The following ATP12A variants were observed in gnomAD, a reference collection of about 807,000 sequenced individuals.
The protein encoded by ATP12A is potassium-transporting ATPase alpha chain 2.
Under a neutral mutation model 111.2 loss-of-function variants are expected in ATP12A, and 81 were observed. The observed-to-expected ratio is 0.73, with a 90% confidence interval of 0.61 to 0.88. The LOEUF (loss-of-function observed/expected upper bound fraction) is 0.88, where lower values mean the gene tolerates loss of function less well. Among genes scored for constraint, ATP12A ranks in the 40% least tolerant of loss-of-function variants. The pLI is 0.00. For missense variants in ATP12A, 1,196 were observed against 1,313.1 expected, an observed-to-expected ratio of 0.91 and a Z score of 1.38; for synonymous variants, 498 against 499.8, an observed-to-expected ratio of 1.00 and a Z score of 0.05.
intron 3 of ATP12A, 56 bp from the exon 4 acceptor site, chr13:24,688,263 G>A: frequency 1.3e-6 from 2 of 1,540,638 alleles, no homozygotes; most frequent in South Asian, 2.5e-5. Flanking sequence ...GAGGGAGGAG[G>A]AATGTCTAAT....
intron 6 of ATP12A, 55 bp downstream of exon 6, chr13:24,690,527 G>T: frequency 6.2e-7 from 1 of 1,606,676 alleles, no homozygotes. Context: ...TGCTGGCTCT[G>T]GGGTCTTTCC....
rs747464937 is a variant in ATP12A, at chr13:24,710,490, ACGGG to A, written c.2796_2799del (p.Gly933ThrfsTer9). 1.2e-6 allele frequency: 2 copies of A among 1,614,144 alleles called. No homozygotes were observed. Among genetic ancestry groups the A allele is most frequent in the East Asian group, 2.2e-5 (1 of 44,862 alleles). ...GTACCAGAGGGAATACCTAGAATGG[ACGGG>A]CTACACGGCTTTCTTTGTTGGCATC... On this transcript the variant is annotated frameshift_variant, in exon 20 of 23. Transcript: ENST00000381946. LOFTEE classifies it high-confidence loss of function.
chr13:24,696,718 CAAAAA>C (rs1199522203), intron 11 of ATP12A, among the ~76,000 whole-genome samples: 7 of 33,038 alleles, frequency 2.1e-4, no homozygotes, highest in African/African-American at 6.4e-4. Context: ...GACTCCGTCT[CAAAAA>C]AAAAAAAAAA....
At position 24,690,905 on chromosome 13, in the gene ATP12A, C is replaced by G. The variant is rs566033042; in HGVS notation, c.800-77C>G. 3 of 1,572,756 alleles carry G rather than the reference C, an allele frequency of 1.9e-6. No individual in the cohort carries two copies. The Admixed American group carries it at 5.1e-5, about 27-fold the overall frequency. ...GTGTGCCTATCGATTGTGCCAGCCC[C>G]CAGAGAGGGCTGCAAGCTGGCTGCA... On this transcript the variant is annotated intron_variant, in intron 7 of 22. Coordinates refer to ENST00000381946, the MANE Select transcript of ATP12A (RefSeq NM_001676.7).
Position 24,702,085 on chromosome 13 carries a change from C to T in ATP12A, c.2018+14C>T, listed in dbSNP as rs754252680. 8.7e-6 allele frequency: 14 copies of T among 1,614,046 alleles called. No homozygotes were observed. In the African/African-American group the frequency reaches 1.9e-4, roughly 22 times the overall value. ...AGTTAACAAACGGTAAGCACAGGAGCAGCATAGTAAAAATTCCAGTTTATA... is the reference window on the plus strand; with the variant it reads ...AGTTAACAAACGGTAAGCACAGGAGTAGCATAGTAAAAATTCCAGTTTATA... On this transcript the variant is annotated intron_variant, in intron 14 of 22. Coordinates refer to ENST00000381946, the MANE Select transcript of ATP12A (RefSeq NM_001676.7).
At chr13:24,681,386 C>T (rs888148704) in intron 1 of ATP12A, among the ~76,000 whole-genome samples, 176 bp from the exon 2 acceptor site, 2 of 152,114 alleles carry the variant, frequency 1.3e-5, no homozygotes, top group Non-Finnish European at 2.9e-5. Flanking sequence ...AAGCCAAGGT[C>T]GGCGGGAGGT....
At chr13:24,699,486 T>C (rs1469200492) in intron 12 of ATP12A, among the ~76,000 whole-genome samples, 6 of 152,110 alleles carry the variant, frequency 3.9e-5, no homozygotes, top group African/African-American at 7.2e-5. Flanking sequence ...GCAAAAGGGA[T>C]GGGAATTTTT....
intron 8 of ATP12A, among the ~76,000 whole-genome samples, chr13:24,692,076 C>T (rs1874927250): frequency 6.6e-6 from 1 of 152,210 alleles, no homozygotes; most frequent in Non-Finnish European, 1.5e-5. Flanking sequence ...TGGTCAGTCT[C>T]TCTTACACAC....
chr13:24,694,424 T>C lies in ATP12A; in HGVS notation c.1378-20T>C, dbSNP rs1371020006. The C allele has an allele frequency of 1.2e-6, 2 of 1,611,670 alleles. No homozygotes were observed. The highest frequency in any genetic ancestry group is 2.7e-5 in the African/African-American group (2 of 74,614). On this transcript the variant is annotated intron_variant, in intron 10 of 22. Coordinates refer to ENST00000381946, the MANE Select transcript of ATP12A (RefSeq NM_001676.7). ...TTCATTAAATATGTGCTGCAAATAT[T>C]TTTCTTCTTTGATTCCCAGAAAGCT... is the stretch of plus-strand genomic sequence containing the variant.
At position 24,688,400 on chromosome 13, in the gene ATP12A, A is replaced by G; in HGVS notation, c.310A>G (p.Ile104Val). 4.3e-6 allele frequency: 7 copies of G among 1,614,076 alleles called. No homozygotes were observed. Among genetic ancestry groups the G allele is most frequent in the Non-Finnish European group, 5.1e-6 (6 of 1,180,016 alleles). The change falls in exon 4 of 23, where the codon ATC (isoleucine) becomes GTC (valine). Residue 104 changes from isoleucine to valine, a missense_variant. Physicochemically the swap from Ile to Val is conservative, Grantham distance 29 (BLOSUM62 3). Around this residue, in one of 3 missense-constraint regions of ATP12A, gnomAD observed 1,126 missense variants for 1,228.5 expected, o/e 0.92. Coordinates refer to ENST00000381946, the MANE Select transcript of ATP12A (RefSeq NM_001676.7). ...SLTPPKQTPE[I>V]VKFLKQMVGG... ...CACCCCTCCCAAGCAGACGCCTGAG[A>G]TCGTCAAGTTCCTCAAGCAGATGGT...
Position 24,688,403 on chromosome 13 carries a change from G to T in ATP12A, c.313G>T (p.Val105Phe), listed in dbSNP as rs200199718. ...LTPPKQTPEI[V>F]KFLKQMVGGF... Reference sequence around the variant, plus strand: ...CCCTCCCAAGCAGACGCCTGAGATCGTCAAGTTCCTCAAGCAGATGGTGGG... The same window carrying T: ...CCCTCCCAAGCAGACGCCTGAGATCTTCAAGTTCCTCAAGCAGATGGTGGG... Residue 105 changes from valine (V) to phenylalanine (F), a missense_variant, in exon 4 of 23, where the codon GTC (valine) becomes TTC (phenylalanine). Val to Phe is a conservative substitution (Grantham distance 50, BLOSUM62 -1). Coordinates refer to ENST00000381946, the MANE Select transcript of ATP12A (RefSeq NM_001676.7). 5 of 1,614,150 alleles carry T rather than the reference G, an allele frequency of 3.1e-6. No individual in the cohort carries two copies. The highest frequency in any genetic ancestry group is 4.2e-6 in the Non-Finnish European group (5 of 1,180,032).
At chr13:24,690,523 C>G (rs1478797362) in intron 6 of ATP12A, 51 bp downstream of exon 6, 1 of 1,606,658 alleles carries the variant, frequency 6.2e-7, no homozygotes, top group Non-Finnish European at 8.5e-7. Flanking sequence ...AACCTGCTGG[C>G]TCTGGGGTCT....
chr13:24,692,289 G>T, intron 8 of ATP12A, 140 bp from the exon 9 acceptor site: 1 of 857,128 alleles, frequency 1.2e-6, no homozygotes, highest in Non-Finnish European at 1.8e-6. Flanking sequence ...GCTTAGCTGC[G>T]CTGACAACCA....
chr13:24,691,740 G>C (rs1874915118), intron 8 of ATP12A, among the ~76,000 whole-genome samples: 1 of 152,148 alleles, frequency 6.6e-6, no homozygotes, highest in Admixed American at 6.5e-5. Flanking sequence ...TCAGTCCCTA[G>C]AGAAGAGCCC....
At position 24,707,389 on chromosome 13, in the gene ATP12A, A is replaced by G. The variant is rs926405407; in HGVS notation, c.2449A>G (p.Ile817Val). The G allele has an allele frequency of 1.9e-6, 3 of 1,614,188 alleles. No homozygotes were observed. The highest frequency in any genetic ancestry group is 2.5e-6 in the Non-Finnish European group (3 of 1,180,030). The part of the protein sequence containing the change: ...IYIIVGLPLP[I>V]GTITILFIDL... ...CATCATTGTCGGGCTCCCCCTGCCC[A>G]TTGGCACCATCACCATTCTGTTCAT... The change falls in exon 17 of 23, where the codon ATT becomes GTT. Residue 817 changes from isoleucine to valine, a missense_variant. By Grantham distance (29) the Ile-to-Val change is conservative. Around this residue, in one of 3 missense-constraint regions of ATP12A, gnomAD observed 1,126 missense variants for 1,228.5 expected, o/e 0.92. Transcript: ENST00000381946.
chr13:24,686,322 C>T (rs935690363), intron 3 of ATP12A, among the ~76,000 whole-genome samples: 1 of 151,894 alleles, frequency 6.6e-6, no homozygotes, highest in African/African-American at 2.4e-5. Flanking sequence ...TGCCTGTAAT[C>T]TCAGCTACTC....
In ATP12A at chr13:24,706,332, G is replaced by A. The variant is rs1007626615; in HGVS notation, c.2038G>A (p.Val680Met). 8 of 1,614,192 alleles carry A rather than the reference G, an allele frequency of 5.0e-6. No individual in the cohort carries two copies. Among genetic ancestry groups the A allele is most frequent in the South Asian group, 2.2e-5 (2 of 91,074 alleles). Residue 680 changes from valine (V) to methionine (M), a missense_variant, in exon 15 of 23, where the codon GTG (valine) becomes ATG (methionine). Physicochemically the swap from Val to Met is conservative, Grantham distance 21. This residue lies in a region of ATP12A where 1,126 missense variants were observed against 1,228.5 expected (regional missense o/e 0.92). Transcript: ENST00000381946. The stretch of plus-strand genomic sequence containing the variant: ...TTCTAGGGATGCCAAGGCCGCTGTG[G>A]TGACTGGCATGGAGCTGAAGGACAT... The part of the protein sequence containing the change: ...VNKRDAKAAV[V>M]TGMELKDMSS...
At position 24,706,665 on chromosome 13, in the gene ATP12A, G is replaced by A. The variant is rs951253045; in HGVS notation, c.2169+202G>A. Among the ~76,000 whole-genome samples the A allele has an allele frequency of 5.3e-5, 8 of 152,132 alleles. No homozygotes were observed. The East Asian group carries it at 5.8e-4, about 11-fold the overall frequency. On this transcript the variant is annotated intron_variant, in intron 15 of 22. Coordinates refer to ENST00000381946, the MANE Select transcript of ATP12A (RefSeq NM_001676.7). ...TTGAGACCCCCACCACATGTTCCCCGAAAGGCTCACCCCAGCTCTCTGCAT... is the reference window on the plus strand; with the variant it reads ...TTGAGACCCCCACCACATGTTCCCCAAAAGGCTCACCCCAGCTCTCTGCAT...
At chr13:24,707,523 A>C (rs748980996) in intron 17 of ATP12A, 90 bp downstream of exon 17, 53 of 1,520,954 alleles carry the variant, frequency 3.5e-5, no homozygotes, top group Non-Finnish European at 4.4e-5. Flanking sequence ...GGGATGGACT[A>C]ACTCAAGGCT....
Sources: allele counts gnomAD v4.1 joint callset (sites outside exome capture counted in the v4.1 genomes callset), GRCh38; gene constraint gnomAD v4.1.1; regional missense constraint gnomAD v4.1.1; transcripts MANE v1.5; gene names NCBI Gene and HGNC (gene_info 2026-07-23, HGNC 2026-07-21).